Variants in PYGM observed in about 807,000 individuals in gnomAD.
PYGM encodes the protein glycogen phosphorylase, muscle associated.
Under a neutral mutation model 99.3 loss-of-function variants are expected in PYGM, and 81 were observed. The ratio of observed to expected loss-of-function variants is 0.82; its 90% confidence interval spans 0.68 to 0.98. PYGM has a LOEUF of 0.98. Ranked by LOEUF, PYGM falls within the 50% of genes least tolerant of loss-of-function variation. PYGM has a pLI of 0.00. For synonymous variants in PYGM, 436 were observed against 451.5 expected, an observed-to-expected ratio of 0.97 and a Z score of 0.44; for missense variants, 1,030 against 1,158.1, an observed-to-expected ratio of 0.89 and a Z score of 1.61.
chr11:64,755,212 C>G lies in PYGM; in HGVS notation c.855+61G>C, dbSNP rs751322075. On this transcript the variant is annotated intron_variant, in intron 7 of 19. Coordinates refer to ENST00000164139, the MANE Select transcript of PYGM (RefSeq NM_005609.4). The surrounding 1 kb of genome is among the most constrained non-coding windows in gnomAD (Gnocchi z 4.1). The stretch of plus-strand genomic sequence containing the variant: ...CACCAGCAAGTGTCCTTCCCCAGCT[C>G]TCCCTGACCCCTGCTGCCAAGGACT... The G allele has an allele frequency of 1.3e-6, 2 of 1,552,160 alleles. No homozygotes were observed. The highest frequency in any genetic ancestry group is 1.8e-6 in the Non-Finnish European group (2 of 1,124,764).
chr11:64,752,572 A>G (rs2135831571), intron 12 of PYGM, 68 bp from the exon 13 acceptor site: 2 of 1,475,136 alleles, frequency 1.4e-6, no homozygotes, highest in South Asian at 2.3e-5. Context: ...AGAAGGGGCC[A>G]TTTCCAGGTC....
In PYGM at chr11:64,754,199, A is replaced by G; in HGVS notation, c.1092+54T>C. On this transcript the variant is annotated intron_variant, in intron 9 of 19. Transcript: ENST00000164139. This position sits in a 1 kb window ranked among gnomAD's most constrained non-coding sequence, Gnocchi z 5.5. ...ATCCTCCCACGCTCCCAAACTGGGA[A>G]GGGAACCCCGAGGCAGAGAGCATCA... 6.3e-7 allele frequency: 1 copy of G among 1,586,200 alleles called. No individual in the cohort carries two copies. Among genetic ancestry groups the G allele is most frequent in the Non-Finnish European group, 8.7e-7 (1 of 1,155,316 alleles).
Position 64,753,469 on chromosome 11 carries a change from T to C in PYGM, c.1403+50A>G, listed in dbSNP as rs760359691. On this transcript the variant is annotated intron_variant, in intron 11 of 19. Transcript: ENST00000164139. ...GCGGGGCTTCTGTGTGACAGAGGCGTGGAGTGGGTGGGGCCTAGAGAGGGG... is the reference window on the plus strand; with the variant it reads ...GCGGGGCTTCTGTGTGACAGAGGCGCGGAGTGGGTGGGGCCTAGAGAGGGG... The C allele has an allele frequency of 7.8e-6, 12 of 1,532,394 alleles. 1 individual carries two copies. In the South Asian group the frequency reaches 1.4e-4, roughly 18 times the overall value. 94.9% of individuals were successfully genotyped at this position (1,532,394 alleles called of 1,614,324 possible).
chr11:64,746,505 G>A lies in PYGM; in HGVS notation c.*154C>T. Reference sequence around the variant, plus strand: ...GAAGGGGGCCCGTGTCCTTAGTCACGCTGGACACTGGGACATTGAGAGTGG... The same window carrying A: ...GAAGGGGGCCCGTGTCCTTAGTCACACTGGACACTGGGACATTGAGAGTGG... On this transcript the variant is annotated 3_prime_UTR_variant, in exon 20 of 20. Transcript: ENST00000164139. 2 of 1,099,646 alleles carry A rather than the reference G, an allele frequency of 1.8e-6. No individual in the cohort carries two copies. Among genetic ancestry groups the A allele is most frequent in the South Asian group, 1.4e-5 (1 of 72,132 alleles). The allele number at this position is 1,099,646 out of a possible 1,614,324, so 68.1% of individuals were successfully genotyped here.
chr11:64,759,524 T>C, intron 1 of PYGM, 132 bp downstream of exon 1: 2 of 1,441,418 alleles, frequency 1.4e-6, no homozygotes, highest in South Asian at 2.5e-5. Context: ...CCAGCACCCC[T>C]TGTGCCTGGC....
Position 64,749,656 on chromosome 11 carries a change from A to G in PYGM, c.2177+720T>C, listed in dbSNP as rs181076005. 4.9e-3 allele frequency among the ~76,000 whole-genome samples: 748 copies of G among 152,014 alleles called. 1 individual carries two copies. Among genetic ancestry groups the G allele is most frequent in the Non-Finnish European group, 9.1e-3 (619 of 67,974 alleles). On this transcript the variant is annotated intron_variant, in intron 17 of 19. Coordinates refer to ENST00000164139, the MANE Select transcript of PYGM (RefSeq NM_005609.4). ...GACTCCGTCTCAAAAAAAAAAATAC[A>G]TTAAAATAAAATAAAATAAAATTTT...
chr11:64,747,712 G>A (rs1468776805), intron 17 of PYGM: 1 of 355,370 alleles, frequency 2.8e-6, no homozygotes, highest in East Asian at 7.2e-5. Context: ...ATCCGGCCTT[G>A]CCCTGGGGCA....
chr11:64,751,751 A>C (rs2058358124), intron 14 of PYGM, 96 bp from the exon 15 acceptor site: 1 of 1,542,510 alleles, frequency 6.5e-7, no homozygotes, highest in African/African-American at 1.4e-5. Context: ...GCCTGACTCG[A>C]ACAATCACTT....
Position 64,753,632 on chromosome 11 carries a change from C to T in PYGM, c.1290G>A (p.Ser430=), listed in dbSNP as rs1039138727. Reference sequence around the variant, plus strand: ...GCTTCACTGCGCCCTCCTCCACCAGCGACATGCGCCGCAGCCGGTCTACGT... The same window carrying T: ...GCTTCACTGCGCCCTCCTCCACCAGTGACATGCGCCGCAGCCGGTCTACGT... ...PGDVDRLRRM[S]LVEEGAVKRI... The change falls in exon 11 of 20, where the codon TCG becomes TCA. Residue 430 remains serine, a synonymous_variant. Coordinates refer to ENST00000164139, the MANE Select transcript of PYGM (RefSeq NM_005609.4). 6 of 1,608,620 alleles carry T rather than the reference C, an allele frequency of 3.7e-6. No individual in the cohort carries two copies. The highest frequency in any genetic ancestry group is 2.2e-5 in the East Asian group (1 of 44,808).
intron 17 of PYGM, among the ~76,000 whole-genome samples, chr11:64,749,261 C>T (rs1010761507): frequency 4.6e-5 from 7 of 151,666 alleles, no homozygotes; most frequent in African/African-American, 9.7e-5. Context: ...GCAGGAGAAT[C>T]GCTTGTACCC....
rs1184928463 is a variant in PYGM, at chr11:64,746,612, G to A, written c.*47C>T. The A allele has an allele frequency of 6.2e-7, 1 of 1,612,392 alleles. No individual in the cohort carries two copies. The highest frequency in any genetic ancestry group is 1.3e-5 in the African/African-American group (1 of 74,934). ...GCATGAGGTGCTGGGGCTGGCCCAA[G>A]AGAGTGTGACAGACTCAAGGGCTGG... On this transcript the variant is annotated 3_prime_UTR_variant, in exon 20 of 20. Transcript: ENST00000164139.
chr11:64,753,822 G>C, intron 10 of PYGM, 57 bp downstream of exon 10: 2 of 1,548,162 alleles, frequency 1.3e-6, no homozygotes, highest in South Asian at 2.4e-5. Context: ...CGACTCCCAG[G>C]CCCAGACTGG....
intron 5 of PYGM, among the ~76,000 whole-genome samples, chr11:64,757,056 C>T (rs1292391270): frequency 6.6e-6 from 1 of 152,120 alleles, no homozygotes; most frequent in Non-Finnish European, 1.5e-5. Context: ...ACCCGAGTAG[C>T]TGGGACTACA....
chr11:64,760,643 T>A (rs2058428866), upstream of PYGM, among the ~76,000 whole-genome samples: 1 of 152,264 alleles, frequency 6.6e-6, no homozygotes, highest in Admixed American at 6.5e-5. Flanking sequence ...ACTGTAGTCC[T>A]ATAGGCCCTC....
In PYGM at chr11:64,753,560, G is replaced by A. The variant is rs375294505; in HGVS notation, c.1362C>T (p.Asn454=). 1.1e-5 allele frequency: 18 copies of A among 1,601,362 alleles called. No homozygotes were observed. The highest frequency in any genetic ancestry group is 2.7e-5 in the African/African-American group (2 of 74,786). The change falls in exon 11 of 20, where the codon AAC becomes AAT. Residue 454 remains asparagine (N), a synonymous_variant. Transcript: ENST00000164139. The stretch of plus-strand genomic sequence containing the variant: ...TCTCGGAGTGGATGCGCGCCACGCC[G>A]TTGACGGCGTGCGACCCCGCGATGC... ...HLCIAGSHAV[N]GVARIHSEIL...
At position 64,759,741 on chromosome 11, in the gene PYGM, T is replaced by A; in HGVS notation, c.158A>T (p.Tyr53Phe). Reference sequence around the variant, plus strand: ...GCGCACGGTATGGGCCAGAGCAAAGTAGTAGTCTCGTGGGGTGGCCACATT... The same window carrying A: ...GCGCACGGTATGGGCCAGAGCAAAGAAGTAGTCTCGTGGGGTGGCCACATT... Reference protein sequence around the residue: ...DRNVATPRDYYFALAHTVRDH... With the variant: ...DRNVATPRDYFFALAHTVRDH... Residue 53 changes from tyrosine (Y) to phenylalanine (F), a missense_variant, in exon 1 of 20, where the codon TAC becomes TTC. Coordinates refer to ENST00000164139, the MANE Select transcript of PYGM (RefSeq NM_005609.4). 1 of 1,614,136 alleles carries A rather than the reference T, an allele frequency of 6.2e-7. No homozygotes were observed. The highest frequency in any genetic ancestry group is 8.5e-7 in the Non-Finnish European group (1 of 1,180,022).
chr11:64,751,106 G>T (rs1011887370), intron 16 of PYGM: 1 of 582,728 alleles, frequency 1.7e-6, no homozygotes, highest in Non-Finnish European at 3.0e-6. Flanking sequence ...TGGCCAGGCT[G>T]GTCTCGAACT....
intron 14 of PYGM, 71 bp from the exon 15 acceptor site, chr11:64,751,726 GC>G: frequency 6.3e-7 from 1 of 1,582,288 alleles, no homozygotes; most frequent in Non-Finnish European, 8.7e-7. Flanking sequence ...CAGAGGCTGG[GC>G]TGGGACACCG....
intron 18 of PYGM, 68 bp from the exon 19 acceptor site, chr11:64,747,055 G>A (rs2058316808): frequency 6.3e-7 from 1 of 1,586,416 alleles, no homozygotes; most frequent in South Asian, 1.1e-5. Context: ...GAGGTCAAGG[G>A]CCAAGCCTGC....
Sources: gnomAD v4.1 joint callset for allele counts (sites outside exome capture counted in the v4.1 genomes callset) on GRCh38, gnomAD v4.1.1 for gene constraint, Gnocchi (gnomAD v3.1) non-coding constraint, MANE v1.5 for transcripts, NCBI Gene and HGNC (gene_info 2026-07-23, HGNC 2026-07-21) for gene names.